The following CDH13 variants were observed in gnomAD, a reference collection of about 807,000 sequenced individuals.
CDH13 encodes the protein cadherin-13.
A neutral mutation model predicts 63.8 loss-of-function variants in CDH13; 24 were observed. The observed-to-expected ratio is 0.38, with a 90% CI of 0.27 to 0.53. The LOEUF (loss-of-function observed/expected upper bound fraction) is 0.53. Among genes scored for constraint, CDH13 ranks in the 20% least tolerant of loss-of-function variants. The pLI is 0.85. For missense variants in CDH13, 1,049 were observed against 903.1 expected (o/e 1.16, Z -2.07); for synonymous variants, 503 against 355.3 (o/e 1.42, Z -4.67).
At chr16:83,525,449 C>T (rs2074940072) in intron 7 of CDH13, among the ~76,000 whole-genome samples, 1 of 152,200 alleles carries the variant, frequency 6.6e-6, no homozygotes, top group African/African-American at 2.4e-5. Context: ...GACTCCTAAG[C>T]CTAATTTGTA....
At chr16:83,788,353 C>A (rs1016175529) in intron 13 of CDH13, among the ~76,000 whole-genome samples, 7 of 152,152 alleles carry the variant, frequency 4.6e-5, no homozygotes, top group Non-Finnish European at 7.3e-5. Context: ...TCCCAGGTGA[C>A]AGGGGCCTCT....
At position 83,425,388 on chromosome 16, in the gene CDH13, T is replaced by C. The variant is rs185777011; in HGVS notation, c.782-61089T>C. On this transcript the variant is annotated intron_variant, in intron 6 of 13. Coordinates refer to ENST00000567109, the MANE Select transcript of CDH13 (RefSeq NM_001257.5). ...CAGTTCTGGAATTAGACAATTATTG[T>C]TCTTACCCTTGAACCAGCCACTTAC... 1.5e-3 allele frequency among the ~76,000 whole-genome samples: 232 copies of C among 152,358 alleles called. 3 individuals are homozygous for C. The highest frequency in any genetic ancestry group is 0.014 in the Admixed American group (209 of 15,310).
chr16:83,329,055 C>T (rs906249327), intron 5 of CDH13, among the ~76,000 whole-genome samples: 2 of 152,132 alleles, frequency 1.3e-5, no homozygotes, highest in African/African-American at 4.8e-5. Context: ...TAAAATGAGG[C>T]ATCTTGAGCT....
At chr16:83,025,534 C>G (rs1230506078) in intron 2 of CDH13, among the ~76,000 whole-genome samples, 2 of 152,150 alleles carry the variant, frequency 1.3e-5, no homozygotes, top group South Asian at 4.1e-4. Context: ...GGTAACCACT[C>G]CTGTGATTAA....
intron 7 of CDH13, among the ~76,000 whole-genome samples, chr16:83,520,760 C>T (rs1325621408): frequency 6.6e-6 from 1 of 152,180 alleles, no homozygotes; most frequent in Admixed American, 6.5e-5. Flanking sequence ...CAGGACGTGG[C>T]TAGCTTTTCA....
chr16:82,983,836 G>A (rs1910598983), intron 2 of CDH13, among the ~76,000 whole-genome samples: 1 of 152,200 alleles, frequency 6.6e-6, no homozygotes, highest in African/African-American at 2.4e-5. Context: ...TGACTGTAAG[G>A]GGGAAATGGA....
chr16:83,089,138 A>C (rs2033766526), intron 3 of CDH13, among the ~76,000 whole-genome samples: 1 of 152,226 alleles, frequency 6.6e-6, no homozygotes, highest in Admixed American at 6.5e-5. Context: ...TTTGTTAAAT[A>C]TTACAGCAGA....
chr16:82,855,093 T>C (rs2039633627), intron 1 of CDH13, among the ~76,000 whole-genome samples: 1 of 152,214 alleles, frequency 6.6e-6, no homozygotes, highest in African/African-American at 2.4e-5. Flanking sequence ...TTTTGACTGG[T>C]AGGTGAAGTG....
chr16:83,029,024 T>G (rs1916071385), intron 2 of CDH13, among the ~76,000 whole-genome samples: 2 of 152,210 alleles, frequency 1.3e-5, no homozygotes, highest in African/African-American at 4.8e-5. Flanking sequence ...AGTTTCCTTA[T>G]CTAGAAACTG....
chr16:83,661,631 C>T (rs764122101), intron 8 of CDH13, among the ~76,000 whole-genome samples: 11 of 152,166 alleles, frequency 7.2e-5, no homozygotes, highest in Non-Finnish European at 1.3e-4. Flanking sequence ...GCCTCTTCTC[C>T]GTGAAAATGC....
At chr16:83,695,043 T>C (rs955573029) in intron 10 of CDH13, among the ~76,000 whole-genome samples, 4 of 151,878 alleles carry the variant, frequency 2.6e-5, no homozygotes, top group Admixed American at 2.0e-4. Flanking sequence ...CCCGTCTCTA[T>C]TAAAAATACA....
chr16:83,487,122 C>G lies in CDH13; in HGVS notation c.960+467C>G, dbSNP rs142354122. 2.0e-5 allele frequency among the ~76,000 whole-genome samples: 3 copies of G among 152,286 alleles called. No homozygotes were observed. In the East Asian group the frequency reaches 5.8e-4, roughly 29 times the overall value. ...GCATCCTGCATTCCCCCTTGAACCC[C>G]TCTCTTCCTCCATCTCTGTTCTCAT... On this transcript the variant is annotated intron_variant, in intron 7 of 13. Coordinates refer to ENST00000567109, the MANE Select transcript of CDH13 (RefSeq NM_001257.5).
chr16:83,570,946 C>CATATATAT (rs57586630), intron 7 of CDH13, among the ~76,000 whole-genome samples: 132 of 110,054 alleles, frequency 1.2e-3, no homozygotes, highest in African/African-American at 3.6e-3. Context: ...ATAACTCATC[C>CATATATAT]ATATATATAT....
chr16:82,884,065 C>T (rs1025261200), intron 2 of CDH13: 10 of 390,566 alleles, frequency 2.6e-5, no homozygotes, highest in Admixed American at 5.9e-5. Context: ...CACTTAAAAC[C>T]AATAATGAAG....
intron 2 of CDH13, among the ~76,000 whole-genome samples, chr16:82,979,144 C>G (rs1477244095): frequency 6.6e-6 from 1 of 152,328 alleles, no homozygotes; most frequent in East Asian, 1.9e-4. Flanking sequence ...CAGTTACTCC[C>G]ATTTGGAACA....
At chr16:83,645,037 C>T (rs1472828509) in intron 8 of CDH13, among the ~76,000 whole-genome samples, 1 of 152,218 alleles carries the variant, frequency 6.6e-6, no homozygotes, top group Non-Finnish European at 1.5e-5. Context: ...TCTATGCTCA[C>T]ATCCACTCCC....
intron 7 of CDH13, among the ~76,000 whole-genome samples, chr16:83,490,697 G>A (rs1015995229): frequency 6.6e-6 from 1 of 152,182 alleles, no homozygotes; most frequent in Admixed American, 6.5e-5. Flanking sequence ...AATATCTGTT[G>A]AGAGTTGAAA....
intron 6 of CDH13, among the ~76,000 whole-genome samples, chr16:83,430,559 C>T (rs534825149): frequency 9.9e-5 from 15 of 152,222 alleles, no homozygotes; most frequent in Non-Finnish European, 1.5e-5. Flanking sequence ...TTTTTGAAAT[C>T]CTGCTTTTCT....
chr16:83,198,838 C>T (rs557232260), intron 4 of CDH13, among the ~76,000 whole-genome samples: 1 of 152,164 alleles, frequency 6.6e-6, no homozygotes, highest in Non-Finnish European at 1.5e-5. Flanking sequence ...AGCCATTATT[C>T]ATCACTGGCA....
Sources: gnomAD v4.1 joint callset for allele counts (sites outside exome capture counted in the v4.1 genomes callset) on GRCh38, gnomAD v4.1.1 for gene constraint, MANE v1.5 for transcripts, NCBI Gene and HGNC (gene_info 2026-07-23, HGNC 2026-07-21) for gene names.